The following ALKAL1 variants were observed in gnomAD, a reference collection of about 807,000 sequenced individuals.
The protein encoded by ALKAL1 is AUG-beta.
Under a neutral mutation model 13.5 loss-of-function variants are expected in ALKAL1, and 23 were observed. That is an observed-to-expected ratio of 1.70 (90% confidence interval 1.23 to 2.41). The LOEUF (loss-of-function observed/expected upper bound fraction) is 2.41. ALKAL1 is among the 30% of genes most tolerant of loss of function. The pLI is 0.00. For synonymous variants in ALKAL1, 85 were observed against 77.7 expected (o/e 1.09, Z -0.49); for missense variants, 181 against 178.4 (o/e 1.01, Z -0.08).
intron 1 of ALKAL1, among the ~76,000 whole-genome samples, chr8:52,547,796 C>T (rs539818628): frequency 6.6e-6 from 1 of 152,018 alleles, no homozygotes; most frequent in African/African-American, 2.4e-5. Context: ...GAGACCAGCC[C>T]AGGCAACATA....
At chr8:52,549,301 C>T (rs1189075472) in intron 1 of ALKAL1, among the ~76,000 whole-genome samples, 1 of 151,822 alleles carries the variant, frequency 6.6e-6, no homozygotes, top group Non-Finnish European at 1.5e-5. Context: ...AAAATAAGAA[C>T]AATTACCTTT....
chr8:52,554,881 G>A (rs1037005732), intron 1 of ALKAL1, among the ~76,000 whole-genome samples: 2 of 152,190 alleles, frequency 1.3e-5, no homozygotes, highest in Admixed American at 1.3e-4. Flanking sequence ...GTAAGATAAA[G>A]GCCGACAGGG....
chr8:52,562,525 C>T (rs182759148), intron 1 of ALKAL1, among the ~76,000 whole-genome samples: 74 of 152,256 alleles, frequency 4.9e-4, no homozygotes, highest in African/African-American at 1.8e-3. Flanking sequence ...CAGTCCCCCA[C>T]TCTCCGCAAT....
At position 52,557,774 on chromosome 8, in the gene ALKAL1, C is replaced by T. The variant is rs138628829; in HGVS notation, c.190+7293G>A. 9.9e-5 allele frequency among the ~76,000 whole-genome samples: 15 copies of T among 152,152 alleles called. 1 individual carries two copies. Among genetic ancestry groups the T allele is most frequent in the South Asian group, 4.2e-4 (2 of 4,818 alleles). ...CAAAAGACTGCAGATCACTTGAGGT[C>T]AGGAGTTTGAGACCAGCCTGGGCAA... On this transcript the variant is annotated intron_variant, in intron 1 of 4. Coordinates refer to ENST00000358543, the MANE Select transcript of ALKAL1 (RefSeq NM_207413.4).
In ALKAL1 at chr8:52,562,444, C is replaced by T. The variant is rs145114813; in HGVS notation, c.190+2623G>A. ...CTAAATGAGAGGACGGATACAGGCACGAACAAATGGGCTGTGAGAAGGAAG... is the reference window on the plus strand; with the variant it reads ...CTAAATGAGAGGACGGATACAGGCATGAACAAATGGGCTGTGAGAAGGAAG... On this transcript the variant is annotated intron_variant, in intron 1 of 4. Coordinates refer to ENST00000358543, the MANE Select transcript of ALKAL1 (RefSeq NM_207413.4). 5.4e-3 allele frequency among the ~76,000 whole-genome samples: 819 copies of T among 152,174 alleles called. 6 individuals are homozygous for T. The highest frequency in any genetic ancestry group is 0.018 in the African/African-American group (756 of 41,510).
At chr8:52,557,034 TA>T (rs1392290736) in intron 1 of ALKAL1, among the ~76,000 whole-genome samples, 1 of 152,224 alleles carries the variant, frequency 6.6e-6, no homozygotes, top group African/African-American at 2.4e-5. Context: ...AAGATAGTTA[TA>T]AGAAAAAGTT....
At chr8:52,538,914 T>C (rs1275903122) in intron 3 of ALKAL1, among the ~76,000 whole-genome samples, 2 of 151,656 alleles carry the variant, frequency 1.3e-5, no homozygotes, top group Non-Finnish European at 2.9e-5. Flanking sequence ...TATTTACTTA[T>C]TTATTTATTT....
intron 2 of ALKAL1, among the ~76,000 whole-genome samples, chr8:52,540,914 C>A (rs571779705): frequency 1.3e-5 from 2 of 152,114 alleles, no homozygotes; most frequent in South Asian, 4.1e-4. Context: ...CCATCCTTTC[C>A]GTTAATAAAC....
chr8:52,552,416 C>A (rs1847438841), intron 1 of ALKAL1, among the ~76,000 whole-genome samples: 1 of 152,330 alleles, frequency 6.6e-6, no homozygotes, highest in East Asian at 1.9e-4. Flanking sequence ...CCCAGTCCCC[C>A]AGCCCCGTAC....
At chr8:52,561,200 A>C (rs781621547) in intron 1 of ALKAL1, among the ~76,000 whole-genome samples, 2 of 152,232 alleles carry the variant, frequency 1.3e-5, no homozygotes, top group Non-Finnish European at 2.9e-5. Flanking sequence ...CAGATATAAT[A>C]GCCACAGACT....
intron 2 of ALKAL1, among the ~76,000 whole-genome samples, chr8:52,541,932 A>G (rs992922426): frequency 6.6e-6 from 1 of 151,662 alleles, no homozygotes; most frequent in African/African-American, 2.4e-5. Flanking sequence ...CATGACTCCA[A>G]CCTACCTTTC....
intron 2 of ALKAL1, among the ~76,000 whole-genome samples, chr8:52,541,379 G>C (rs1847310723): frequency 6.6e-6 from 1 of 152,154 alleles, no homozygotes; most frequent in Non-Finnish European, 1.5e-5. Flanking sequence ...TGAGGTGGAA[G>C]TATCCCTTGA....
Position 52,549,761 on chromosome 8 carries a change from G to A in ALKAL1, c.191-7316C>T, listed in dbSNP as rs1283147268. Among the ~76,000 whole-genome samples, 5 of 152,148 alleles carry A rather than the reference G, an allele frequency of 3.3e-5. No homozygotes were observed. The East Asian group carries it at 9.6e-4, about 29-fold the overall frequency. ...GTTCGAGACCAGCCTGGCCAACATG[G>A]TGAAACCCCATCTCTACTAAAAATA... On this transcript the variant is annotated intron_variant, in intron 1 of 4. Transcript: ENST00000358543.
At chr8:52,551,757 G>T (rs1315625751) in intron 1 of ALKAL1, among the ~76,000 whole-genome samples, 1 of 151,958 alleles carries the variant, frequency 6.6e-6, no homozygotes, top group Non-Finnish European at 1.5e-5. Flanking sequence ...GTGACAAATA[G>T]CTTTAAAAGG....
At chr8:52,538,895 T>C (rs1161512957) in intron 3 of ALKAL1, among the ~76,000 whole-genome samples, 1 of 152,102 alleles carries the variant, frequency 6.6e-6, no homozygotes, top group East Asian at 1.9e-4. Flanking sequence ...TTTGGAATTT[T>C]AATTTATTTA....
intron 1 of ALKAL1, among the ~76,000 whole-genome samples, chr8:52,553,662 A>C (rs1334740166): frequency 1.3e-5 from 2 of 152,220 alleles, no homozygotes; most frequent in African/African-American, 2.4e-5. Context: ...AAATTCTAAC[A>C]TTAGATTGCA....
At chr8:52,552,652 G>A (rs1419679662) in intron 1 of ALKAL1, among the ~76,000 whole-genome samples, 2 of 152,034 alleles carry the variant, frequency 1.3e-5, no homozygotes, top group Non-Finnish European at 2.9e-5. Flanking sequence ...TCTTTATTTT[G>A]TGTCTCAGAT....
chr8:52,535,721 T>A (rs1847260493), intron 4 of ALKAL1, among the ~76,000 whole-genome samples: 1 of 152,190 alleles, frequency 6.6e-6, no homozygotes, highest in Non-Finnish European at 1.5e-5. Context: ...TATGCAGAAC[T>A]AACAGTTCTA....
At chr8:52,545,953 C>T (rs1172274705) in intron 1 of ALKAL1, among the ~76,000 whole-genome samples, 1 of 152,226 alleles carries the variant, frequency 6.6e-6, no homozygotes, top group East Asian at 1.9e-4. Context: ...CTCCTGCACA[C>T]TCAGCTATAT....
Sources: allele counts gnomAD v4.1 joint callset (sites outside exome capture counted in the v4.1 genomes callset), GRCh38; gene constraint gnomAD v4.1.1; transcripts MANE v1.5; gene names NCBI Gene and HGNC (gene_info 2026-07-23, HGNC 2026-07-21).